FBXL13: variants seen among roughly 807,000 people sequenced by gnomAD.
The protein encoded by FBXL13 is F-box and leucine rich repeat protein 13, also known as F-box and leucine-rich repeat protein 13.
Under a neutral mutation model 83.6 loss-of-function variants are expected in FBXL13, and 67 were observed. That is an observed-to-expected ratio of 0.80 (90% confidence interval 0.66 to 0.98). FBXL13 has a LOEUF of 0.98. FBXL13 is among the 50% of genes least tolerant of loss of function. The probability of loss-of-function intolerance (pLI) is 0.00; values close to 1 mark genes in which losing one functional copy is unlikely to be tolerated. For missense variants in FBXL13, 822 were observed against 866.5 expected (o/e 0.95, Z 0.64); for synonymous variants, 272 against 299.5 (o/e 0.91, Z 0.95).
chr7:102,951,647 A>AT (rs975374469), intron 8 of FBXL13, among the ~76,000 whole-genome samples: 28 of 150,960 alleles, frequency 1.9e-4, no homozygotes, highest in Admixed American at 1.6e-3. Flanking sequence ...GTCTCTACAA[A>AT]TTTTTTTTTA....
chr7:102,926,489 G>T, intron 9 of FBXL13, 115 bp from the exon 11 acceptor site: 1 of 729,206 alleles, frequency 1.4e-6, no homozygotes, highest in Non-Finnish European at 2.2e-6. Context: ...GTAAGAGTTG[G>T]TTTCTTCATA....
At chr7:102,949,895 C>G (rs796973650) in intron 8 of FBXL13, among the ~76,000 whole-genome samples, 14 of 152,134 alleles carry the variant, frequency 9.2e-5, no homozygotes, top group African/African-American at 3.4e-4. Context: ...CACTTGACGT[C>G]GGGAGTTCAA....
intron 18 of FBXL13, among the ~76,000 whole-genome samples, chr7:102,831,055 A>T (rs1379313769): frequency 6.6e-6 from 1 of 152,018 alleles, no homozygotes; most frequent in African/African-American, 2.4e-5. Flanking sequence ...GTTGGGAACC[A>T]CCCCTGTCAG....
intron 11 of FBXL13, among the ~76,000 whole-genome samples, chr7:102,900,979 T>A (rs1329447754): frequency 6.6e-6 from 1 of 152,240 alleles, no homozygotes; most frequent in Non-Finnish European, 1.5e-5. Context: ...AAATACTTAC[T>A]GAGGCCAGGC....
At chr7:102,895,170 G>T (rs1412856789) in intron 11 of FBXL13, among the ~76,000 whole-genome samples, 2 of 152,136 alleles carry the variant, frequency 1.3e-5, no homozygotes. Context: ...ACACAAGAGG[G>T]ATACTAACCC....
exon 13 of FBXL13, chr7:102,883,622 C>G (rs548882216): frequency 1.2e-6 from 2 of 1,612,312 alleles, no homozygotes; most frequent in South Asian, 2.2e-5. Flanking sequence ...AAAGTACAAT[C>G]GGAGATATGC....
intron 14 of FBXL13, among the ~76,000 whole-genome samples, chr7:102,881,183 C>T (rs548024289): frequency 6.6e-6 from 1 of 152,082 alleles, no homozygotes; most frequent in Non-Finnish European, 1.5e-5. Context: ...CAGTGGCTCA[C>T]GCCTGTAATC....
chr7:102,880,940 T>G (rs1809960219), intron 14 of FBXL13, among the ~76,000 whole-genome samples: 1 of 152,222 alleles, frequency 6.6e-6, no homozygotes, highest in Non-Finnish European at 1.5e-5. Flanking sequence ...CAACCTTTTG[T>G]GTTTGCTGGC....
chr7:103,000,179 T>C (rs889260676), intron 6 of FBXL13, among the ~76,000 whole-genome samples: 1 of 152,172 alleles, frequency 6.6e-6, no homozygotes, highest in Non-Finnish European at 1.5e-5. Flanking sequence ...CTCAGGAGTA[T>C]GTTGGTCAAT....
intron 18 of FBXL13, among the ~76,000 whole-genome samples, chr7:102,828,967 T>C (rs546915501): frequency 5.9e-5 from 9 of 152,250 alleles, no homozygotes; most frequent in Middle Eastern, 3.4e-3. Flanking sequence ...AGAATAACTA[T>C]AGAATGTGCT....
At chr7:103,049,692 T>A (rs1268698444) in intron 2 of FBXL13, among the ~76,000 whole-genome samples, 1 of 152,250 alleles carries the variant, frequency 6.6e-6, no homozygotes, top group Admixed American at 6.5e-5. Flanking sequence ...AGAGCTTGAA[T>A]ATCCACTTTT....
At chr7:102,962,378 G>A (rs1585149034) in intron 8 of FBXL13, among the ~76,000 whole-genome samples, 1 of 152,276 alleles carries the variant, frequency 6.6e-6, no homozygotes, top group East Asian at 1.9e-4. Flanking sequence ...CTTTTACACT[G>A]TCGGTGGGAC....
At chr7:103,060,052 A>ATATTT (rs1797743553) in intron 1 of FBXL13, among the ~76,000 whole-genome samples, 1 of 102,708 alleles carries the variant, frequency 9.7e-6, no homozygotes, top group Non-Finnish European at 1.9e-5. Flanking sequence ...ATATATATAT[A>ATATTT]TATATATATA....
chr7:102,968,064 A>G lies in FBXL13; in HGVS notation c.549T>C (p.His183=), dbSNP rs146580098. Residue 183 remains histidine, a synonymous_variant, in exon 7 of 20, where the codon CAT becomes CAC. Coordinates refer to ENST00000313221, the Ensembl canonical transcript of FBXL13. ...TTAGTTGTGTCATCAACATCCAGGC[A>G]TGATTAACTTGACCACATATTATCA... The G allele has an allele frequency of 1.1e-4, 178 of 1,614,054 alleles. No homozygotes were observed. The African/African-American group carries it at 2.1e-3, about 19-fold the overall frequency.
At chr7:103,029,097 TG>T (rs1182839224) in intron 3 of FBXL13, among the ~76,000 whole-genome samples, 1 of 151,098 alleles carries the variant, frequency 6.6e-6, no homozygotes, top group Non-Finnish European at 1.5e-5. Flanking sequence ...ATAAGTGGAC[TG>T]TGAAACTAAC....
Position 102,933,780 on chromosome 7 carries a change from G to A in FBXL13, c.725-1847C>T, listed in dbSNP as rs1585013895. 1.4e-5 allele frequency: 12 copies of A among 847,868 alleles called. No individual in the cohort carries two copies. The East Asian group carries it at 2.7e-4, about 19-fold the overall frequency. The allele number at this position is 847,868 out of a possible 1,614,324, so 52.5% of individuals were successfully genotyped here. A position where few individuals can be genotyped will look rare whatever the true frequency, so the allele number is the denominator to read the frequency against. On this transcript the variant is annotated intron_variant, in intron 8 of 19. Coordinates refer to ENST00000313221, the Ensembl canonical transcript of FBXL13. ...ATATTTTTTTCTCTTCCAGCCTAGG[G>A]ACTCCACGTACCCCAGCTGGGTCTC... is the stretch of plus-strand genomic sequence containing the variant.
intron 17 of FBXL13, among the ~76,000 whole-genome samples, chr7:102,847,035 A>C (rs1002828327): frequency 1.3e-5 from 2 of 152,230 alleles, no homozygotes; most frequent in African/African-American, 2.4e-5. Flanking sequence ...TATGAAATTC[A>C]AATTTTCAGT....
chr7:102,880,361 C>G (rs1809864242), intron 14 of FBXL13, among the ~76,000 whole-genome samples: 1 of 152,104 alleles, frequency 6.6e-6, no homozygotes, highest in African/African-American at 2.4e-5. Flanking sequence ...TTCATCCTCC[C>G]TCTGTTGTCA....
intron 17 of FBXL13, among the ~76,000 whole-genome samples, chr7:102,841,582 C>G (rs1371494503): frequency 6.6e-6 from 1 of 152,174 alleles, no homozygotes; most frequent in Non-Finnish European, 1.5e-5. Context: ...ACCTTACAGA[C>G]AATGGGAAAC....
Sources: allele counts gnomAD v4.1 joint callset (sites outside exome capture counted in the v4.1 genomes callset), GRCh38; gene constraint gnomAD v4.1.1; transcripts MANE v1.5; gene names NCBI Gene and HGNC (gene_info 2026-07-23, HGNC 2026-07-21).